Variants in GCNT2 observed in about 807,000 individuals in gnomAD.
GCNT2 encodes the protein N-acetyllactosaminide beta-1,6-N-acetylglucosaminyl-transferase.
A neutral mutation model predicts 34.2 loss-of-function variants in GCNT2; 34 were observed. That is an observed-to-expected ratio of 1.00 (90% confidence interval 0.76 to 1.32). The LOEUF is 1.32. Among genes scored for constraint, GCNT2 ranks in the 40% most tolerant of loss-of-function variants. The probability of loss-of-function intolerance (pLI) is 0.00; values close to 1 mark genes in which losing one functional copy is unlikely to be tolerated. For synonymous variants in GCNT2, 212 were observed against 188.0 expected (o/e 1.13, Z -1.04); for missense variants, 584 against 489.4 (o/e 1.19, Z -1.82).
At chr6:10,559,463 C>T (rs1015912740) in intron 3 of GCNT2, among the ~76,000 whole-genome samples, 2 of 152,196 alleles carry the variant, frequency 1.3e-5, no homozygotes, top group African/African-American at 4.8e-5. Flanking sequence ...CTCATGGGAC[C>T]TCAAATCTCT....
At chr6:10,604,887 A>AAGAAAG (rs1765243656) in intron 3 of GCNT2, among the ~76,000 whole-genome samples, 1 of 140,630 alleles carries the variant, frequency 7.1e-6, no homozygotes, top group South Asian at 2.3e-4. Context: ...AAGAAAGAAA[A>AAGAAAG]ATGTATTATC....
At chr6:10,545,573 C>G (rs1477347226) in intron 3 of GCNT2, among the ~76,000 whole-genome samples, 1 of 152,174 alleles carries the variant, frequency 6.6e-6, no homozygotes, top group Non-Finnish European at 1.5e-5. Flanking sequence ...ATGATCGTTG[C>G]AATCCTAACC....
intron 3 of GCNT2, among the ~76,000 whole-genome samples, chr6:10,591,330 G>A (rs1764632846): frequency 6.6e-6 from 1 of 152,218 alleles, no homozygotes; most frequent in Admixed American, 6.5e-5. Flanking sequence ...ACCTATGAAA[G>A]TGTACCCTGT....
intron 3 of GCNT2, among the ~76,000 whole-genome samples, chr6:10,607,467 G>A (rs1765371636): frequency 6.6e-6 from 1 of 151,982 alleles, no homozygotes; most frequent in South Asian, 2.1e-4. Context: ...ACTGGAAAAC[G>A]CCCCCACGAT....
At chr6:10,624,225 C>T (rs773127076) in intron 4 of GCNT2, among the ~76,000 whole-genome samples, 6 of 152,158 alleles carry the variant, frequency 3.9e-5, no homozygotes, top group Non-Finnish European at 5.9e-5. Flanking sequence ...AGTCCGTTTT[C>T]ACACTGCTGA....
intron 1 of GCNT2, among the ~76,000 whole-genome samples, chr6:10,523,850 G>GGGA (rs1761047155): frequency 1.3e-5 from 2 of 151,514 alleles, no homozygotes; most frequent in Non-Finnish European, 2.9e-5. Flanking sequence ...GTGGGCGCCT[G>GGGA]TAGTCCCAGC....
intron 3 of GCNT2, among the ~76,000 whole-genome samples, chr6:10,598,229 G>A (rs896891038): frequency 6.6e-6 from 1 of 152,296 alleles, no homozygotes; most frequent in Non-Finnish European, 1.5e-5. Flanking sequence ...AGCAATTAAC[G>A]TATCTTAACA....
At chr6:10,621,887 G>A (rs928634818) in intron 4 of GCNT2, among the ~76,000 whole-genome samples, 5 of 151,462 alleles carry the variant, frequency 3.3e-5, no homozygotes, top group African/African-American at 9.7e-5. Context: ...TTTTTTTCTT[G>A]TAGAGTCAGC....
At chr6:10,603,580 A>G (rs556407081) in intron 3 of GCNT2, among the ~76,000 whole-genome samples, 25 of 152,162 alleles carry the variant, frequency 1.6e-4, no homozygotes, top group South Asian at 1.2e-3. Flanking sequence ...CAGTGGTGCA[A>G]TCTCAGCTCA....
At chr6:10,558,985 A>G (rs910069153) in intron 3 of GCNT2, among the ~76,000 whole-genome samples, 1 of 151,896 alleles carries the variant, frequency 6.6e-6, no homozygotes. Context: ...CTTAAAATTC[A>G]TAAAAGTTGG....
chr6:10,629,316 G>A lies in GCNT2; in HGVS notation c.*2709G>A, dbSNP rs961124746. On this transcript the variant is annotated 3_prime_UTR_variant, in exon 5 of 5. Transcript: ENST00000495262. ...ACTACTGTATCTGATGTTTGTTTTCGATGAGGTTCCATGTTTTGTTTTCTT... is the reference window on the plus strand; with the variant it reads ...ACTACTGTATCTGATGTTTGTTTTCAATGAGGTTCCATGTTTTGTTTTCTT... 6.6e-6 allele frequency: 1 copy of A among 152,670 alleles called. No homozygotes were observed. The highest frequency in any genetic ancestry group is 3.4e-3 in the Middle Eastern group (1 of 294). The allele number at this position is 152,670 out of a possible 1,614,324, so 9.5% of individuals were successfully genotyped here.
At chr6:10,556,304 T>TC in intron 3 of GCNT2, 1 of 1,550,494 alleles carries the variant, frequency 6.4e-7, no homozygotes, top group East Asian at 2.3e-5. Context: ...TCCCAGCGTC[T>TC]CCAACAGGGC....
In GCNT2 at chr6:10,528,672, C is replaced by A. The variant is rs1171238831; in HGVS notation, c.-240C>A. ...AGCAGGAGAACAGGCAAGCCAAATG[C>A]AAAGGAGCCACTTCAGAAATGTGTC... On this transcript the variant is annotated 5_prime_UTR_variant, in exon 3 of 5. Transcript: ENST00000495262. 8 of 569,134 alleles carry A rather than the reference C, an allele frequency of 1.4e-5. No homozygotes were observed. In the Admixed American group the frequency reaches 2.4e-4, roughly 17 times the overall value. The allele number at this position is 569,134 out of a possible 1,614,324, so 35.3% of individuals were successfully genotyped here.
At chr6:10,528,096 G>C (rs1308425094) in intron 2 of GCNT2, among the ~76,000 whole-genome samples, 2 of 152,130 alleles carry the variant, frequency 1.3e-5, no homozygotes, top group African/African-American at 4.8e-5. Flanking sequence ...TTTAAAAAAA[G>C]AAGTTAGCCT....
chr6:10,576,156 C>T (rs1445483232), intron 3 of GCNT2, among the ~76,000 whole-genome samples: 1 of 152,170 alleles, frequency 6.6e-6, no homozygotes, highest in Non-Finnish European at 1.5e-5. Context: ...AGGCGTGAGC[C>T]ACCACGCCCT....
intron 3 of GCNT2, among the ~76,000 whole-genome samples, chr6:10,598,748 G>T (rs1281172483): frequency 2.0e-5 from 3 of 152,172 alleles, no homozygotes; most frequent in African/African-American, 7.2e-5. Flanking sequence ...TGTATTCAGT[G>T]CTGGGGAGGG....
At chr6:10,534,369 C>A (rs1761663962) in intron 3 of GCNT2, among the ~76,000 whole-genome samples, 1 of 151,914 alleles carries the variant, frequency 6.6e-6, no homozygotes. Context: ...CTTCTGACCT[C>A]AGGTGATCCA....
chr6:10,611,199 TAGTG>T (rs1765534860), intron 3 of GCNT2, among the ~76,000 whole-genome samples: 3 of 148,130 alleles, frequency 2.0e-5, no homozygotes, highest in Admixed American at 6.8e-5. Context: ...CTGGGCAACA[TAGTG>T]AGAGGAGAGC....
At chr6:10,530,474 A>G (rs1207825272) in intron 3 of GCNT2, among the ~76,000 whole-genome samples, 1 of 152,224 alleles carries the variant, frequency 6.6e-6, no homozygotes, top group South Asian at 2.1e-4. Flanking sequence ...TGAAGATTTC[A>G]TAATATTTTT....
Sources: allele counts gnomAD v4.1 joint callset (sites outside exome capture counted in the v4.1 genomes callset), GRCh38; gene constraint gnomAD v4.1.1; transcripts MANE v1.5; gene names NCBI Gene and HGNC (gene_info 2026-07-23, HGNC 2026-07-21).